APBA1: variants seen among roughly 807,000 people sequenced by gnomAD.
APBA1 encodes the protein amyloid-beta A4 precursor protein-binding family A member 1.
In APBA1, 55 loss-of-function variants were observed where a neutral mutation model predicts 86.6. The observed-to-expected ratio is 0.64, with a 90% confidence interval of 0.51 to 0.80. The LOEUF is 0.80. Ranked by LOEUF, APBA1 falls within the 30% of genes least tolerant of loss-of-function variation. The pLI, the probability that APBA1 is intolerant of heterozygous loss-of-function variation, is 0.00. For missense variants in APBA1, 1,090 were observed against 1,183.0 expected, an observed-to-expected ratio of 0.92 and a Z score of 1.15; for synonymous variants, 511 against 493.9, an observed-to-expected ratio of 1.03 and a Z score of -0.46.
intron 1 of APBA1, among the ~76,000 whole-genome samples, chr9:69,658,286 C>CTTTCTTTCTTTTTCTTTCTTTCTT (rs770180947): frequency 1.3e-5 from 1 of 74,244 alleles, no homozygotes; most frequent in East Asian, 3.8e-4. Flanking sequence ...CTTTCTTTCT[C>CTTTCTTTCTTTTTCTTTCTTTCTT]TCTCTCTTTC....
At chr9:69,453,744 G>A (rs1278512855) in intron 8 of APBA1, among the ~76,000 whole-genome samples, 4 of 152,218 alleles carry the variant, frequency 2.6e-5, no homozygotes, top group Non-Finnish European at 5.9e-5. Context: ...AGTACACAGA[G>A]CACAGTAACA....
rs534773840 is a variant in APBA1 at position 69,545,827 on chromosome 9, T to C, written c.-69-28548A>G. ...TGACTTTGAATGCAAAAAGAAAGAG[T>C]ATTTGAAAACAAGATATTTTTGCCA... On this transcript the variant is annotated intron_variant, in intron 1 of 12. Coordinates refer to ENST00000265381, the MANE Select transcript of APBA1 (RefSeq NM_001163.4). 9.2e-5 allele frequency among the ~76,000 whole-genome samples: 14 copies of C among 152,260 alleles called. No individual in the cohort carries two copies. In the South Asian group the frequency reaches 2.9e-3, roughly 32 times the overall value.
At chr9:69,436,374 T>C (rs1412761579) in intron 11 of APBA1, among the ~76,000 whole-genome samples, 1 of 150,426 alleles carries the variant, frequency 6.6e-6, no homozygotes, top group African/African-American at 2.5e-5. Context: ...TTGGGCAGTA[T>C]GGCCATTTTC....
rs979550485 is a variant in APBA1 at position 69,483,247 on chromosome 9, C to T, written c.1201-7104G>A. On this transcript the variant is annotated intron_variant, in intron 2 of 12. Coordinates refer to ENST00000265381, the MANE Select transcript of APBA1 (RefSeq NM_001163.4). ...TCTGTTGGCAATGTTTGACAAAAGGCATAAAACACAGAGAAAAACTAAACA... is the reference window on the plus strand; with the variant it reads ...TCTGTTGGCAATGTTTGACAAAAGGTATAAAACACAGAGAAAAACTAAACA... Among the ~76,000 whole-genome samples, 3 of 150,376 alleles carry T rather than the reference C, an allele frequency of 2.0e-5. No homozygotes were observed. In the East Asian group the frequency reaches 5.9e-4, roughly 29 times the overall value.
At chr9:69,494,928 A>G (rs1255112089) in intron 2 of APBA1, among the ~76,000 whole-genome samples, 3 of 152,160 alleles carry the variant, frequency 2.0e-5, no homozygotes, top group Non-Finnish European at 4.4e-5. Context: ...TCTTACATGC[A>G]AGGCACTAAT....
intron 2 of APBA1, among the ~76,000 whole-genome samples, chr9:69,510,258 GCATTCTTATACAC>G (rs1194529110): frequency 3.3e-5 from 5 of 151,884 alleles, no homozygotes; most frequent in Admixed American, 2.0e-4. Context: ...AAAATCACAA[GCATTCTTATACAC>G]CAATAACAGA....
At chr9:69,505,604 G>T (rs1835946453) in intron 2 of APBA1, among the ~76,000 whole-genome samples, 1 of 152,136 alleles carries the variant, frequency 6.6e-6, no homozygotes, top group South Asian at 2.1e-4. Flanking sequence ...ACTTAAAGTA[G>T]CCAAAACCCT....
chr9:69,496,045 T>C (rs1000218358), intron 2 of APBA1, among the ~76,000 whole-genome samples: 18 of 152,078 alleles, frequency 1.2e-4, no homozygotes, highest in East Asian at 3.9e-4. Context: ...TAATCCTACA[T>C]TGGGCTCAAG....
intron 1 of APBA1, among the ~76,000 whole-genome samples, chr9:69,613,164 G>C (rs551514001): frequency 6.6e-6 from 1 of 151,298 alleles, no homozygotes; most frequent in South Asian, 2.1e-4. Context: ...ATTGAGCTTT[G>C]ATATTAAAAA....
intron 4 of APBA1, among the ~76,000 whole-genome samples, chr9:69,470,441 G>A (rs1384575862): frequency 6.6e-6 from 1 of 152,142 alleles, no homozygotes; most frequent in East Asian, 1.9e-4. Context: ...CCTAGGCCTG[G>A]GGGATGAATA....
At chr9:69,502,792 G>A (rs577865603) in intron 2 of APBA1, among the ~76,000 whole-genome samples, 1 of 152,196 alleles carries the variant, frequency 6.6e-6, no homozygotes, top group South Asian at 2.1e-4. Context: ...ACCTCAGCAA[G>A]CATCACTCCC....
At chr9:69,604,418 G>C (rs1413274189) in intron 1 of APBA1, among the ~76,000 whole-genome samples, 1 of 141,308 alleles carries the variant, frequency 7.1e-6, no homozygotes, top group Non-Finnish European at 1.5e-5. Context: ...ATGAGTGTGG[G>C]CACACATATA....
intron 8 of APBA1, among the ~76,000 whole-genome samples, chr9:69,453,835 T>G (rs1835052422): frequency 6.6e-6 from 1 of 152,258 alleles, no homozygotes; most frequent in Non-Finnish European, 1.5e-5. Context: ...GGCAAGTTTA[T>G]CAGCCACCTG....
At chr9:69,603,539 G>A (rs901043436) in intron 1 of APBA1, among the ~76,000 whole-genome samples, 2 of 152,172 alleles carry the variant, frequency 1.3e-5, no homozygotes, top group Non-Finnish European at 2.9e-5. Context: ...AAGAGAGATA[G>A]TACAAAAAGT....
In APBA1 at chr9:69,539,482, C is replaced by A. The variant is rs548401210; in HGVS notation, c.-69-22203G>T. Among the ~76,000 whole-genome samples, 3 of 152,276 alleles carry A rather than the reference C, an allele frequency of 2.0e-5. No homozygotes were observed. The South Asian group carries it at 6.2e-4, about 32-fold the overall frequency. ...TCTACTTTCAAAATGGATCAAGAAC[C>A]AACTAAACACTTTTTATTCCTTCCA... On this transcript the variant is annotated intron_variant, in intron 1 of 12. Coordinates refer to ENST00000265381, the MANE Select transcript of APBA1 (RefSeq NM_001163.4).
chr9:69,560,314 C>A (rs1023210794), intron 1 of APBA1, among the ~76,000 whole-genome samples: 16 of 152,170 alleles, frequency 1.1e-4, no homozygotes, highest in African/African-American at 3.9e-4. Context: ...GGAGACTCTG[C>A]ATGGACTTTG....
intron 1 of APBA1, among the ~76,000 whole-genome samples, chr9:69,623,513 C>T (rs563196110): frequency 6.6e-6 from 1 of 152,250 alleles, no homozygotes; most frequent in African/African-American, 2.4e-5. Flanking sequence ...CGATTTAAAG[C>T]AGGAAGTGGA....
intron 1 of APBA1, among the ~76,000 whole-genome samples, chr9:69,577,007 G>A (rs1225986508): frequency 2.0e-5 from 3 of 151,908 alleles, no homozygotes; most frequent in Admixed American, 1.3e-4. Context: ...TCTAAAAATT[G>A]ACAATAGTTG....
chr9:69,451,167 T>C (rs560120089), intron 9 of APBA1, among the ~76,000 whole-genome samples: 1 of 152,304 alleles, frequency 6.6e-6, no homozygotes, highest in South Asian at 2.1e-4. Context: ...AAATCTGTCC[T>C]GCAATATGTG....
Sources: allele counts gnomAD v4.1 joint callset (sites outside exome capture counted in the v4.1 genomes callset), GRCh38; gene constraint gnomAD v4.1.1; transcripts MANE v1.5; gene names NCBI Gene and HGNC (gene_info 2026-07-23, HGNC 2026-07-21).